ATP1A4: variants seen among roughly 807,000 people sequenced by gnomAD.
The protein encoded by ATP1A4 is sodium/potassium-transporting ATPase subunit alpha-4.
In ATP1A4, 90 loss-of-function variants were observed where a neutral mutation model predicts 114.3. That is an observed-to-expected ratio of 0.79 (90% confidence interval 0.66 to 0.94). ATP1A4 has a LOEUF of 0.94. Among genes scored for constraint, ATP1A4 ranks in the 40% least tolerant of loss-of-function variants. ATP1A4 has a pLI of 0.00. For synonymous variants in ATP1A4, 511 were observed against 494.1 expected (o/e 1.03, Z -0.45); for missense variants, 1,222 against 1,313.6 (o/e 0.93, Z 1.08).
intron 20 of ATP1A4, chr1:160,183,230 C>T (rs1269877607): frequency 2.0e-5 from 3 of 152,120 alleles, no homozygotes; most frequent in Admixed American, 6.6e-5. Context: ...CAGGGATAGA[C>T]CTTGCAGAGT....
In ATP1A4 at chr1:160,156,042, C is replaced by G. The variant is rs1405297985; in HGVS notation, c.412-3C>G. The G allele has an allele frequency of 1.3e-6, 2 of 1,594,224 alleles. No individual in the cohort carries two copies. The highest frequency in any genetic ancestry group is 1.3e-5 in the African/African-American group (1 of 74,422). ...GATAAACGCTTTCTTTCCCCACCCTCAGCTCTACCTGAGCATCGTACTGTC... is the reference window on the plus strand; with the variant it reads ...GATAAACGCTTTCTTTCCCCACCCTGAGCTCTACCTGAGCATCGTACTGTC... On this transcript the variant is annotated splice_region_variant and splice_polypyrimidine_tract_variant and intron_variant, in intron 3 of 21. Transcript: ENST00000368081.
intron 4 of ATP1A4, 54 bp from the exon 5 acceptor site, chr1:160,158,948 T>C: frequency 2.5e-6 from 4 of 1,569,458 alleles, no homozygotes; most frequent in Non-Finnish European, 3.5e-6. Flanking sequence ...AGGCTAAGAG[T>C]GGGATGAGGA....
intron 3 of ATP1A4, 45 bp downstream of exon 3, chr1:160,155,293 C>G (rs377138013): frequency 6.5e-7 from 1 of 1,534,140 alleles, no homozygotes; most frequent in Non-Finnish European, 8.9e-7. Flanking sequence ...CTCTGCTTAG[C>G]CCCAGACACT....
chr1:160,164,079 A>T, intron 6 of ATP1A4, 77 bp from the exon 7 acceptor site: 2 of 1,534,318 alleles, frequency 1.3e-6, no homozygotes, highest in South Asian at 2.5e-5. Context: ...CTATGTCAGG[A>T]AGTGGGGGCA....
At chr1:160,160,360 G>A (rs1039482079) in intron 6 of ATP1A4, among the ~76,000 whole-genome samples, 25 of 152,072 alleles carry the variant, frequency 1.6e-4, no homozygotes, top group African/African-American at 4.3e-4. Context: ...GGGATTACAG[G>A]TGCCCACCAC....
At chr1:160,156,473 G>C (rs755527121) in intron 4 of ATP1A4, among the ~76,000 whole-genome samples, 25 of 151,744 alleles carry the variant, frequency 1.6e-4, no homozygotes, top group Middle Eastern at 6.8e-3. Context: ...GTGGGAGCGG[G>C]GTGCGGTGGG....
In ATP1A4 at chr1:160,171,773, G is replaced by A. The variant is rs367591436; in HGVS notation, c.1854+16G>A. On this transcript the variant is annotated intron_variant, in intron 12 of 21. Coordinates refer to ENST00000368081, the MANE Select transcript of ATP1A4 (RefSeq NM_144699.4). ...AGGAATTAAGGTAAATACTTGCCCA[G>A]ACCAGGAGCCCCTCACCTGTCACAA... 9.9e-6 allele frequency: 16 copies of A among 1,610,316 alleles called. No individual in the cohort carries two copies. Among genetic ancestry groups the A allele is most frequent in the African/African-American group, 1.3e-5 (1 of 74,776 alleles).
intron 10 of ATP1A4, among the ~76,000 whole-genome samples, chr1:160,169,264 T>A (rs1404320200): frequency 1.3e-5 from 2 of 152,232 alleles, no homozygotes; most frequent in African/African-American, 4.8e-5. Flanking sequence ...TGTCTCCCTC[T>A]GAGATAAAAA....
chr1:160,185,035 A>G (rs1420713274), intron 20 of ATP1A4, among the ~76,000 whole-genome samples: 1 of 152,170 alleles, frequency 6.6e-6, no homozygotes, highest in Admixed American at 6.5e-5. Context: ...CGGCTCCACA[A>G]AAGTTGGTAG....
chr1:160,164,521 C>A, intron 7 of ATP1A4, 97 bp downstream of exon 7: 1 of 1,288,866 alleles, frequency 7.8e-7, no homozygotes, highest in Non-Finnish European at 1.1e-6. Context: ...CTTTCAAGTG[C>A]AGGGTCTTCC....
In ATP1A4 at chr1:160,175,635, G is replaced by T. The variant is rs1322934613; in HGVS notation, c.2312-457G>T. ...CAGAGAGGGATTCGATCTTTGAAAA[G>T]GCAGTCAGAGACGGATGCAGCAATC... On this transcript the variant is annotated intron_variant, in intron 15 of 21. Coordinates refer to ENST00000368081, the MANE Select transcript of ATP1A4 (RefSeq NM_144699.4). Among the ~76,000 whole-genome samples, 3 of 151,966 alleles carry T rather than the reference G, an allele frequency of 2.0e-5. No individual in the cohort carries two copies. The East Asian group carries it at 5.8e-4, about 29-fold the overall frequency.
At chr1:160,162,311 C>T (rs912388273) in intron 6 of ATP1A4, among the ~76,000 whole-genome samples, 1 of 152,194 alleles carries the variant, frequency 6.6e-6, no homozygotes, top group African/African-American at 2.4e-5. Context: ...AGAATTTTGT[C>T]ATGCCCCTCA....
In ATP1A4 at chr1:160,159,174, G is replaced by A. The variant is rs60582604; in HGVS notation, c.660+38G>A. 1,461 of 1,601,612 alleles carry A rather than the reference G, an allele frequency of 9.1e-4. 12 individuals are homozygous for A. In the East Asian group the frequency reaches 0.012, roughly 14 times the overall value. ...CGAAAGCTATGTGAGGGACCCAAGC[G>A]TGATCTCATGGCAGGGTAGACACCT... On this transcript the variant is annotated intron_variant, in intron 5 of 21. Coordinates refer to ENST00000368081, the MANE Select transcript of ATP1A4 (RefSeq NM_144699.4).
rs1465646056 is a variant in ATP1A4, at chr1:160,159,044, G to C, written c.568G>C (p.Val190Leu). 55 of 1,613,972 alleles carry C rather than the reference G, an allele frequency of 3.4e-5. No homozygotes were observed. The highest frequency in any genetic ancestry group is 1.6e-4 in the Middle Eastern group (1 of 6,084). ...IRGGEKMQIN[V>L]QEVVLGDLVE... Reference sequence around the variant, plus strand: ...AGGAGGAGAGAAGATGCAAATTAATGTACAAGAGGTGGTGTTGGGAGACCT... The same window carrying C: ...AGGAGGAGAGAAGATGCAAATTAATCTACAAGAGGTGGTGTTGGGAGACCT... Residue 190 changes from valine to leucine, a missense_variant, in exon 5 of 22, where the codon GTA (valine) becomes CTA (leucine). Val to Leu is a conservative substitution (Grantham distance 32). Coordinates refer to ENST00000368081, the MANE Select transcript of ATP1A4 (RefSeq NM_144699.4).
Position 160,173,703 on chromosome 1 carries a change from C to G in ATP1A4, c.1977C>G (p.Ser659Arg). 6.2e-7 allele frequency: 1 copy of G among 1,614,146 alleles called. No individual in the cohort carries two copies. Among genetic ancestry groups the G allele is most frequent in the Non-Finnish European group, 8.5e-7 (1 of 1,180,006 alleles). Residue 659 changes from serine to arginine, a missense_variant, in exon 13 of 22, where the codon AGC becomes AGG. Coordinates refer to ENST00000368081, the MANE Select transcript of ATP1A4 (RefSeq NM_144699.4). ...CTGCCCGGCTTAAGATCCCTATCAG[C>G]AAGGTCGATGCCAGGTGAGATCACT... is the stretch of plus-strand genomic sequence containing the variant. ...EVAARLKIPI[S>R]KVDASAAKAI... is the part of the protein sequence containing the mutation.
chr1:160,159,363 T>C (rs762398783), intron 5 of ATP1A4, 46 bp from the exon 6 acceptor site: 13 of 1,524,680 alleles, frequency 8.5e-6, no homozygotes, highest in African/African-American at 1.4e-5. Context: ...TAAATCTGCC[T>C]TTTTTCCTAT....
At position 160,151,718 on chromosome 1, in the gene ATP1A4, C is replaced by T. The variant is rs74123261; in HGVS notation, c.-323C>T. The T allele has an allele frequency of 8.7e-3, 2,063 of 235,814 alleles. 51 individuals are homozygous for T. The highest frequency in any genetic ancestry group is 0.043 in the African/African-American group (1,941 of 44,814). 14.6% of individuals were successfully genotyped at this position (235,814 alleles called of 1,614,324 possible). A position where few individuals can be genotyped will look rare whatever the true frequency, so the allele number is the denominator to read the frequency against. On this transcript the variant is annotated 5_prime_UTR_variant, in exon 1 of 22. Transcript: ENST00000368081. ...GTTACGCTTCACCTCTTGTTTCCTGCCCTCACTGCATTCCCTCACCTCTAC... is the reference window on the plus strand; with the variant it reads ...GTTACGCTTCACCTCTTGTTTCCTGTCCTCACTGCATTCCCTCACCTCTAC...
At chr1:160,183,692 T>A (rs1653785248) in intron 20 of ATP1A4, among the ~76,000 whole-genome samples, 1 of 152,236 alleles carries the variant, frequency 6.6e-6, no homozygotes, top group African/African-American at 2.4e-5. Context: ...ACTATCCATA[T>A]ACAACTATTG....
intron 5 of ATP1A4, 79 bp downstream of exon 5, chr1:160,159,215 G>C (rs1652783208): frequency 6.5e-7 from 1 of 1,533,390 alleles, no homozygotes; most frequent in African/African-American, 1.4e-5. Context: ...GTTAGAGAAA[G>C]TATAAGCTTA....
Sources: allele counts gnomAD v4.1 joint callset (sites outside exome capture counted in the v4.1 genomes callset), GRCh38; gene constraint gnomAD v4.1.1; transcripts MANE v1.5; gene names NCBI Gene and HGNC (gene_info 2026-07-23, HGNC 2026-07-21).